UTRN: variants seen among roughly 807,000 people sequenced by gnomAD.
UTRN encodes utrophin, also known as dystrophin-related protein 1.
In UTRN, 283 loss-of-function variants were observed where a neutral mutation model predicts 463.9. The observed-to-expected ratio is 0.61, with a 90% CI of 0.55 to 0.67. The LOEUF (loss-of-function observed/expected upper bound fraction) is 0.67, where lower values mean the gene tolerates loss of function less well. Ranked by LOEUF, UTRN falls within the 30% of genes least tolerant of loss-of-function variation. The pLI, the probability that UTRN is intolerant of heterozygous loss-of-function variation, is 0.00. For missense variants in UTRN, 3,922 were observed against 4,084.3 expected (o/e 0.96, Z 1.08); for synonymous variants, 1,442 against 1,431.5 (o/e 1.01, Z -0.17).
chr6:144,408,083 T>C (rs1172440029), intron 3 of UTRN, among the ~76,000 whole-genome samples: 1 of 152,220 alleles, frequency 6.6e-6, no homozygotes, highest in East Asian at 1.9e-4. Context: ...GAAGAAATAT[T>C]GAGGCATTGC....
At chr6:144,751,780 A>G (rs780292446) in intron 55 of UTRN, 26 bp from the exon 56 acceptor site, 1 of 1,580,112 alleles carries the variant, frequency 6.3e-7, no homozygotes, top group Non-Finnish European at 8.6e-7. Context: ...GTTTCCAATA[A>G]TATATTTTTT....
At chr6:144,813,823 G>T (rs7761905) in intron 65 of UTRN, among the ~76,000 whole-genome samples, 2 of 152,128 alleles carry the variant, frequency 1.3e-5, no homozygotes, top group African/African-American at 2.4e-5. Context: ...TTTGCCATGC[G>T]CAGAGGCTAG....
intron 32 of UTRN, among the ~76,000 whole-genome samples, chr6:144,491,777 A>G (rs1793096581): frequency 6.6e-6 from 1 of 152,158 alleles, no homozygotes. Context: ...GTAAGTATTT[A>G]TTTGATTATT....
intron 27 of UTRN, among the ~76,000 whole-genome samples, chr6:144,484,511 G>C (rs970614882): frequency 2.9e-5 from 4 of 138,922 alleles, no homozygotes; most frequent in African/African-American, 1.1e-4. Flanking sequence ...GGCGTGGCCT[G>C]GGCTTACTGT....
At chr6:144,789,771 C>G (rs1030795551) in intron 62 of UTRN, among the ~76,000 whole-genome samples, 1 of 151,794 alleles carries the variant, frequency 6.6e-6, no homozygotes, top group Non-Finnish European at 1.5e-5. Flanking sequence ...CAGTCATAGA[C>G]GATAATCCTA....
intron 51 of UTRN, among the ~76,000 whole-genome samples, chr6:144,624,932 C>T (rs1314195928): frequency 1.3e-5 from 2 of 151,778 alleles, no homozygotes; most frequent in African/African-American, 2.4e-5. Flanking sequence ...GAAAAGAGAG[C>T]GGAATGTGTT....
intron 36 of UTRN, among the ~76,000 whole-genome samples, 190 bp downstream of exon 36, chr6:144,514,227 T>C (rs1035639331): frequency 5.3e-5 from 8 of 152,218 alleles, no homozygotes; most frequent in African/African-American, 1.9e-4. Context: ...TTGAAAGACT[T>C]GTAAGAGATT....
intron 51 of UTRN, among the ~76,000 whole-genome samples, chr6:144,651,995 G>T (rs746958456): frequency 1.3e-5 from 2 of 152,012 alleles, no homozygotes; most frequent in Admixed American, 6.6e-5. Context: ...AGTCCCCATT[G>T]TGTTGTACTT....
At chr6:144,589,043 C>G (rs1802748485) in intron 51 of UTRN, among the ~76,000 whole-genome samples, 1 of 152,152 alleles carries the variant, frequency 6.6e-6, no homozygotes, top group South Asian at 2.1e-4. Flanking sequence ...TATAACAAAG[C>G]TCACTTATAA....
intron 71 of UTRN, 146 bp downstream of exon 71, chr6:144,836,687 C>T: frequency 1.6e-6 from 2 of 1,286,482 alleles, no homozygotes; most frequent in Non-Finnish European, 2.1e-6. Flanking sequence ...TTAGAAATTT[C>T]CTTTTACATG....
At chr6:144,290,322 T>A (rs965405850) in intron 1 of UTRN, among the ~76,000 whole-genome samples, 27 of 152,346 alleles carry the variant, frequency 1.8e-4, no homozygotes, top group Admixed American at 4.6e-4. Context: ...CATGTCTATT[T>A]AGTCTCCTTT....
intron 2 of UTRN, among the ~76,000 whole-genome samples, chr6:144,349,401 A>G (rs1302840831): frequency 6.6e-6 from 1 of 152,220 alleles, no homozygotes; most frequent in African/African-American, 2.4e-5. Flanking sequence ...ACCTCTGAGA[A>G]GGGGACTCCC....
chr6:144,746,929 T>C (rs1790809796), intron 54 of UTRN, among the ~76,000 whole-genome samples: 1 of 152,266 alleles, frequency 6.6e-6, no homozygotes, highest in Non-Finnish European at 1.5e-5. Flanking sequence ...AACTTGTAGT[T>C]CTGCGGTTGC....
At chr6:144,809,674 A>T (rs1240815348) in intron 65 of UTRN, among the ~76,000 whole-genome samples, 1 of 152,108 alleles carries the variant, frequency 6.6e-6, no homozygotes, top group Non-Finnish European at 1.5e-5. Flanking sequence ...GGGACATAGA[A>T]GGTTCTAGAA....
At chr6:144,446,825 T>C (rs1787741240) in intron 14 of UTRN, among the ~76,000 whole-genome samples, 1 of 152,232 alleles carries the variant, frequency 6.6e-6, no homozygotes, top group Non-Finnish European at 1.5e-5. Context: ...GACTTCTCTT[T>C]CCTTCCTTTC....
chr6:144,398,133 A>G, intron 2 of UTRN: 1 of 246,630 alleles, frequency 4.1e-6, no homozygotes, highest in Non-Finnish European at 8.5e-6. Context: ...CTGTGTCATC[A>G]CCACGTTTTC....
intron 2 of UTRN, among the ~76,000 whole-genome samples, chr6:144,309,584 C>T (rs549053668): frequency 1.9e-4 from 29 of 152,246 alleles, no homozygotes; most frequent in Admixed American, 1.6e-3. Flanking sequence ...ATACAGAATC[C>T]GGTCATATTT....
At chr6:144,670,055 AT>A (rs1042936646) in intron 51 of UTRN, among the ~76,000 whole-genome samples, 1 of 151,572 alleles carries the variant, frequency 6.6e-6, no homozygotes, top group Non-Finnish European at 1.5e-5. Flanking sequence ...CTGGTTCCAT[AT>A]TTTTGCAATT....
At chr6:144,696,486 G>C (rs1413369462) in intron 52 of UTRN, among the ~76,000 whole-genome samples, 1 of 152,130 alleles carries the variant, frequency 6.6e-6, no homozygotes, top group Non-Finnish European at 1.5e-5. Context: ...CGGCTTTGGT[G>C]TTCTTTTCAG....
Sources: gnomAD v4.1 joint callset for allele counts (sites outside exome capture counted in the v4.1 genomes callset) on GRCh38, gnomAD v4.1.1 for gene constraint, MANE v1.5 for transcripts, NCBI Gene and HGNC (gene_info 2026-07-23, HGNC 2026-07-21) for gene names.